The following BARX2 variants were observed in gnomAD, a reference collection of about 807,000 sequenced individuals.
BARX2 encodes the protein BARX homeobox 2.
BARX2 carries 11 observed loss-of-function variants against 25.5 expected under a neutral mutation model. That is an observed-to-expected ratio of 0.43 (90% confidence interval 0.27 to 0.71). The LOEUF is 0.71. Ranked by LOEUF, BARX2 falls within the 30% of genes least tolerant of loss-of-function variation. BARX2 has a pLI of 0.19. For synonymous variants in BARX2, 137 were observed against 149.5 expected, an observed-to-expected ratio of 0.92 and a Z score of 0.61; for missense variants, 360 against 359.9, an observed-to-expected ratio of 1.00 and a Z score of 0.00.
rs1466038393 is a variant in BARX2 at position 129,442,914 on chromosome 11, A to C, written c.568A>C (p.Lys190Gln). Residue 190 changes from lysine to glutamine, a missense_variant, in exon 3 of 4, where the codon AAA (lysine) becomes CAA (glutamine). By Grantham distance (53) the Lys-to-Gln change is moderately conservative. Transcript: ENST00000281437. Reference sequence around the variant, plus strand: ...TCAGAATCGCAGGATGAAATGGAAGAAAATGGTAAGAAAGGAGTGACTAAC... The same window carrying C: ...TCAGAATCGCAGGATGAAATGGAAGCAAATGGTAAGAAAGGAGTGACTAAC... ...WYQNRRMKWK[K>Q]MVLKGGQEAP... 1.2e-6 allele frequency: 2 copies of C among 1,611,862 alleles called. No homozygotes were observed. The highest frequency in any genetic ancestry group is 2.7e-5 in the African/African-American group (2 of 74,870).
intron 1 of BARX2, among the ~76,000 whole-genome samples, chr11:129,397,369 A>C (rs1861731051): frequency 6.6e-6 from 1 of 152,152 alleles, no homozygotes; most frequent in Non-Finnish European, 1.5e-5. Flanking sequence ...ATTATTCATG[A>C]GCTCACTTGC....
intron 1 of BARX2, among the ~76,000 whole-genome samples, chr11:129,386,402 A>G (rs1861616647): frequency 6.6e-6 from 1 of 152,260 alleles, no homozygotes; most frequent in Non-Finnish European, 1.5e-5. Flanking sequence ...TAATCTAAAA[A>G]TGTTAACGTG....
Position 129,375,899 on chromosome 11 carries a change from C to T in BARX2, c.-137C>T, listed in dbSNP as rs1367522922. Reference sequence around the variant, plus strand: ...CGCGCCCGCTACCCGCTCTCCTCCGCGCGCCACCCGAGCCCCGCCGCCTCC... The same window carrying T: ...CGCGCCCGCTACCCGCTCTCCTCCGTGCGCCACCCGAGCCCCGCCGCCTCC... On this transcript the variant is annotated 5_prime_UTR_variant, in exon 1 of 4. Coordinates refer to ENST00000281437, the MANE Select transcript of BARX2 (RefSeq NM_003658.5). The surrounding 1 kb of genome is among the most constrained non-coding windows in gnomAD (Gnocchi z 4.0). The T allele has an allele frequency of 6.3e-6, 2 of 318,570 alleles. No individual in the cohort carries two copies. Among genetic ancestry groups the T allele is most frequent in the Non-Finnish European group, 9.1e-6 (2 of 220,696 alleles). The allele number at this position is 318,570 out of a possible 1,614,324, so 19.7% of individuals were successfully genotyped here.
At chr11:129,427,152 G>A (rs1340197862) in intron 1 of BARX2, among the ~76,000 whole-genome samples, 1 of 152,166 alleles carries the variant, frequency 6.6e-6, no homozygotes, top group African/African-American at 2.4e-5. Flanking sequence ...AGAAAGAAAG[G>A]GAACCAAGTG....
Position 129,394,477 on chromosome 11 carries a change from A to G in BARX2, c.187+18255A>G, listed in dbSNP as rs184794149. ...AGATGTAGTTTTTATTTTAGGACGC[A>G]TGCTAACTACCTATGAAGTGGGTTT... On this transcript the variant is annotated intron_variant, in intron 1 of 3. Transcript: ENST00000281437. 1.6e-3 allele frequency among the ~76,000 whole-genome samples: 249 copies of G among 152,358 alleles called. 2 individuals are homozygous for G. Among genetic ancestry groups the G allele is most frequent in the Admixed American group, 0.014 (216 of 15,304 alleles).
intron 1 of BARX2, among the ~76,000 whole-genome samples, chr11:129,403,274 A>G (rs977038696): frequency 6.6e-6 from 1 of 152,316 alleles, no homozygotes; most frequent in African/African-American, 2.4e-5. Context: ...ATTGAAGTGG[A>G]TATATTAGGG....
rs1861658919 is a variant in BARX2 at position 129,390,833 on chromosome 11, G to A, written c.187+14611G>A. Among the ~76,000 whole-genome samples the A allele has an allele frequency of 2.0e-5, 3 of 152,094 alleles. No homozygotes were observed. ...GTGCATTCAAAAATTTCATCATCCTGGGTCACAAAAGATCATGACGACTGT... is the reference window on the plus strand; with the variant it reads ...GTGCATTCAAAAATTTCATCATCCTAGGTCACAAAAGATCATGACGACTGT... On this transcript the variant is annotated intron_variant, in intron 1 of 3. Transcript: ENST00000281437. This position sits in a 1 kb window ranked among gnomAD's most constrained non-coding sequence, Gnocchi z 4.3.
chr11:129,413,380 A>G (rs1861909778), intron 1 of BARX2, among the ~76,000 whole-genome samples: 1 of 152,226 alleles, frequency 6.6e-6, no homozygotes, highest in African/African-American at 2.4e-5. Context: ...CAGAGTCGGC[A>G]GCAGAGAGAG....
At chr11:129,407,003 A>G (rs1861837142) in intron 1 of BARX2, among the ~76,000 whole-genome samples, 1 of 152,224 alleles carries the variant, frequency 6.6e-6, no homozygotes, top group African/African-American at 2.4e-5. Context: ...TTTATATCCT[A>G]CTACGGGAAG....
chr11:129,389,904 C>T (rs576018774), intron 1 of BARX2, among the ~76,000 whole-genome samples: 31 of 152,068 alleles, frequency 2.0e-4, no homozygotes, highest in African/African-American at 7.5e-4. Flanking sequence ...AAATGAAGTG[C>T]CTTTGTGACA....
At chr11:129,425,996 C>A (rs1045804098) in intron 1 of BARX2, among the ~76,000 whole-genome samples, 3 of 149,316 alleles carry the variant, frequency 2.0e-5, no homozygotes, top group African/African-American at 7.4e-5. Flanking sequence ...CACAAAATGC[C>A]CTTCCTCCTT....
chr11:129,451,270 C>T lies in BARX2; in HGVS notation c.708C>T (p.Pro236=). The change falls in exon 4 of 4, where the codon CCC becomes CCT. Residue 236 remains proline, a synonymous_variant. Transcript: ENST00000281437. ...CCCAGGGTCAGGAGCAGCTGGAGCC[C>T]TCTCAGGGGCAGGAGGAGCTCTGTG... ...SQAQGQEQLE[P]SQGQEELCEA... The T allele has an allele frequency of 6.2e-7, 1 of 1,614,180 alleles. No homozygotes were observed. Among genetic ancestry groups the T allele is most frequent in the Non-Finnish European group, 8.5e-7 (1 of 1,180,020 alleles).
At chr11:129,426,399 G>A (rs1253876059) in intron 1 of BARX2, among the ~76,000 whole-genome samples, 1 of 151,258 alleles carries the variant, frequency 6.6e-6, no homozygotes, top group Non-Finnish European at 1.5e-5. Context: ...TTGAGACAGA[G>A]TCTCACTCTG....
intron 1 of BARX2, among the ~76,000 whole-genome samples, chr11:129,411,129 T>C (rs145817471): frequency 0.02 from 3,083 of 152,202 alleles, 85 homozygotes; most frequent in African/African-American, 0.068. Context: ...CCCAGCACTT[T>C]GGGAGGCCGA....
At chr11:129,413,765 T>C (rs983573521) in intron 1 of BARX2, among the ~76,000 whole-genome samples, 2 of 151,948 alleles carry the variant, frequency 1.3e-5, no homozygotes, top group Admixed American at 6.6e-5. Flanking sequence ...ACAGCAGGGA[T>C]GTGAGAATGG....
intron 3 of BARX2, among the ~76,000 whole-genome samples, chr11:129,445,631 C>G (rs1367095516): frequency 6.6e-6 from 1 of 152,186 alleles, no homozygotes; most frequent in African/African-American, 2.4e-5. Context: ...TGAGATAATT[C>G]ATTGAGCATT....
chr11:129,378,570 T>C (rs1172708681), intron 1 of BARX2, among the ~76,000 whole-genome samples: 14 of 146,580 alleles, frequency 9.6e-5, no homozygotes, highest in East Asian at 6.0e-4. Flanking sequence ...TTTCTTTTTT[T>C]TTTTTTTTTT....
chr11:129,382,241 C>T (rs181088637), intron 1 of BARX2, among the ~76,000 whole-genome samples: 80 of 152,156 alleles, frequency 5.3e-4, no homozygotes, highest in Non-Finnish European at 8.5e-4. Context: ...TGCAGTGGGG[C>T]GATCTTGGCT....
chr11:129,417,304 G>A (rs1049004568), intron 1 of BARX2, among the ~76,000 whole-genome samples: 3 of 152,156 alleles, frequency 2.0e-5, no homozygotes, highest in African/African-American at 7.2e-5. Flanking sequence ...AGATGGGAAG[G>A]GTCACTGCTC....
Sources: gnomAD v4.1 joint callset for allele counts (sites outside exome capture counted in the v4.1 genomes callset) on GRCh38, gnomAD v4.1.1 for gene constraint, Gnocchi (gnomAD v3.1) non-coding constraint, MANE v1.5 for transcripts, NCBI Gene and HGNC (gene_info 2026-07-23, HGNC 2026-07-21) for gene names.